The following TRAPPC2 variants were observed in gnomAD, a reference collection of about 807,000 sequenced individuals.
The protein encoded by TRAPPC2 is sedlin.
In TRAPPC2, 4 loss-of-function variants were observed where a neutral mutation model predicts 10.0. That is an observed-to-expected ratio of 0.40 (90% CI 0.20 to 0.92). The LOEUF (loss-of-function observed/expected upper bound fraction) is 0.92. Ranked by LOEUF, TRAPPC2 falls within the 40% of genes least tolerant of loss-of-function variation. The pLI is 0.35. For synonymous variants in TRAPPC2, 36 were observed against 37.3 expected (o/e 0.97, Z 0.12); for missense variants, 52 against 108.7 (o/e 0.48, Z 2.32).
chrX:13,731,076 A>G (rs976472870), intron 2 of TRAPPC2, among the ~76,000 whole-genome samples: 2 of 112,151 alleles, frequency 1.8e-5, no homozygotes, highest in African/African-American at 6.5e-5. Context: ...ACTAAAGAAA[A>G]AAGAAAACAT....
At chrX:13,730,179 A>G (rs2046643871) in intron 2 of TRAPPC2, among the ~76,000 whole-genome samples, 1 of 110,905 alleles carries the variant, frequency 9.0e-6, no homozygotes, top group Non-Finnish European at 1.9e-5. Flanking sequence ...CCATCTGACG[A>G]AGGGCTAATA....
At chrX:13,721,566 G>A (rs2046407214) in intron 2 of TRAPPC2, 1 of 111,965 alleles carries the variant, frequency 8.9e-6, no homozygotes, top group African/African-American at 3.3e-5. Context: ...GACTTAGCAA[G>A]CCTCATTGGG....
At chrX:13,715,514 C>T (rs1033705743) in intron 5 of TRAPPC2, 2 of 114,953 alleles carry the variant, frequency 1.7e-5, no homozygotes, top group South Asian at 3.4e-4. Context: ...GTAACCATGA[C>T]GTCCTATTAT....
At chrX:13,723,737 T>C (rs1249763824) in intron 2 of TRAPPC2, among the ~76,000 whole-genome samples, 1 of 110,023 alleles carries the variant, frequency 9.1e-6, no homozygotes, top group Admixed American at 9.8e-5. Flanking sequence ...AACTGGGAAA[T>C]TGAGGACAAG....
chrX:13,721,869 T>C (rs1437836125), intron 2 of TRAPPC2: 2 of 110,759 alleles, frequency 1.8e-5, no homozygotes, highest in Admixed American at 9.7e-5. Context: ...CACGCTTCAA[T>C]GGCAGAGTTA....
intron 3 of TRAPPC2, 120 bp from the exon 4 acceptor site, chrX:13,716,798 T>C: frequency 2.9e-6 from 2 of 697,282 alleles, no homozygotes; most frequent in Non-Finnish European, 4.2e-6. Context: ...TTTGCTTTTA[T>C]ACTTTGTTAT....
intron 2 of TRAPPC2, among the ~76,000 whole-genome samples, chrX:13,733,831 C>G (rs1365660660): frequency 2.7e-5 from 3 of 110,435 alleles, no homozygotes; most frequent in Admixed American, 9.6e-5. Context: ...CCGAATCCTA[C>G]CCATCAAGGC....
At chrX:13,720,064 T>A in intron 2 of TRAPPC2, 82 bp from the exon 3 acceptor site, 1 of 723,760 alleles carries the variant, frequency 1.4e-6, no homozygotes, top group Non-Finnish European at 1.9e-6. Context: ...TAGAATTCTT[T>A]TTTAAATTTA....
Position 13,719,835 on chromosome X carries a change from C to G in TRAPPC2, c.93+36G>C, listed in dbSNP as rs754716913. 6 of 958,254 alleles carry G rather than the reference C, an allele frequency of 6.3e-6. No individual in the cohort carries two copies. The Admixed American group carries it at 1.6e-4, about 26-fold the overall frequency. The allele number at this position is 958,254 out of a possible 1,213,427, so 79.0% of individuals were successfully genotyped here. A position where few individuals can be genotyped will look rare whatever the true frequency, so the allele number is the denominator to read the frequency against. On this transcript the variant is annotated intron_variant, in intron 3 of 5. Transcript: ENST00000380579. ...CTTCCAGTTCTAAAATCATATTATA[C>G]CATATCATTACAATAGCATAAAAAT...
At chrX:13,730,374 C>G (rs1003050079) in intron 2 of TRAPPC2, among the ~76,000 whole-genome samples, 2 of 112,210 alleles carry the variant, frequency 1.8e-5, no homozygotes, top group African/African-American at 6.5e-5. Flanking sequence ...GAGATACCAT[C>G]TCACGCCAGT....
chrX:13,734,612 A>G lies in TRAPPC2; in HGVS notation c.-249T>C. 1 of 760,004 alleles carries G rather than the reference A, an allele frequency of 1.3e-6. No individual in the cohort carries two copies. The highest frequency in any genetic ancestry group is 1.6e-6 in the Non-Finnish European group (1 of 614,060). 62.6% of individuals were successfully genotyped at this position (760,004 alleles called of 1,213,427 possible). ...GAACCTGTAGCCAGAACGCCGAAGC[A>G]GTTCTCGCGATACCCTGGGATGTGC... is the stretch of plus-strand genomic sequence containing the variant. On this transcript the variant is annotated 5_prime_UTR_variant, in exon 1 of 6. Transcript: ENST00000380579.
chrX:13,727,589 CATT>C (rs2046580526), intron 2 of TRAPPC2, among the ~76,000 whole-genome samples: 1 of 112,209 alleles, frequency 8.9e-6, no homozygotes, highest in Non-Finnish European at 1.9e-5. Flanking sequence ...CTCTGGGACA[CATT>C]TAAAGCAGTG....
In TRAPPC2 at chrX:13,714,218, A is replaced by G; in HGVS notation, c.*189T>C. On this transcript the variant is annotated 3_prime_UTR_variant, in exon 6 of 6. Coordinates refer to ENST00000380579, the MANE Select transcript of TRAPPC2 (RefSeq NM_001011658.4). ...ATAACACTGTTCACAAGGAAATACC[A>G]ATTGATCTATTGATACGTGACATGA... 1 of 294,737 alleles carries G rather than the reference A, an allele frequency of 3.4e-6. No homozygotes were observed. The highest frequency in any genetic ancestry group is 6.1e-6 in the Non-Finnish European group (1 of 163,966). 24.3% of individuals were successfully genotyped at this position (294,737 alleles called of 1,213,427 possible).
At chrX:13,716,433 G>C in intron 4 of TRAPPC2, 101 bp downstream of exon 4, 1 of 1,023,480 alleles carries the variant, frequency 9.8e-7, no homozygotes, top group South Asian at 2.0e-5. Context: ...TCACCTGACT[G>C]TGAAGTCTAC....
At chrX:13,719,375 T>A in intron 3 of TRAPPC2, among the ~76,000 whole-genome samples, 1 of 111,090 alleles carries the variant, frequency 9.0e-6, no homozygotes, top group Non-Finnish European at 1.9e-5. Flanking sequence ...GCTTCCTGTG[T>A]ATGGCCAAGG....
At position 13,714,343 on chromosome X, in the gene TRAPPC2, C is replaced by A; in HGVS notation, c.*64G>T. ...CCAGGCTATTTAATCAAGTAACTTA[C>A]AATGTACACATTCCTGAGTATACAC... is the stretch of plus-strand genomic sequence containing the variant. On this transcript the variant is annotated 3_prime_UTR_variant, in exon 6 of 6. Coordinates refer to ENST00000380579, the MANE Select transcript of TRAPPC2 (RefSeq NM_001011658.4). 4 of 708,265 alleles carry A rather than the reference C, an allele frequency of 5.6e-6. No individual in the cohort carries two copies. In the South Asian group the frequency reaches 1.0e-4, roughly 18 times the overall value. 58.4% of individuals were successfully genotyped at this position (708,265 alleles called of 1,213,427 possible). A position where few individuals can be genotyped will look rare whatever the true frequency, so the allele number is the denominator to read the frequency against.
intron 2 of TRAPPC2, among the ~76,000 whole-genome samples, chrX:13,733,737 G>C (rs955405414): frequency 9.0e-6 from 1 of 110,749 alleles, no homozygotes; most frequent in Non-Finnish European, 1.9e-5. Context: ...CTGCTCCCAA[G>C]AAGGTCGTGG....
chrX:13,722,207 GCAAAAA>G (rs2046424776), intron 2 of TRAPPC2: 2 of 8,941 alleles, frequency 2.2e-4, no homozygotes, highest in African/African-American at 5.8e-4. Context: ...TTAAGCAGCA[GCAAAAA>G]AAAAAAAAAA....
At chrX:13,732,380 CT>C (rs2046694479) in intron 2 of TRAPPC2, among the ~76,000 whole-genome samples, 1 of 112,045 alleles carries the variant, frequency 8.9e-6, no homozygotes, top group Admixed American at 9.4e-5. Flanking sequence ...ACAGTACTAT[CT>C]TTAAATACGA....
Sources: gnomAD v4.1 joint callset for allele counts (sites outside exome capture counted in the v4.1 genomes callset) on GRCh38, gnomAD v4.1.1 for gene constraint, MANE v1.5 for transcripts, NCBI Gene and HGNC (gene_info 2026-07-23, HGNC 2026-07-21) for gene names.